Variants in RPS6KL1 observed in about 807,000 individuals in gnomAD.
RPS6KL1 encodes the protein ribosomal protein S6 kinase like 1, also known as ribosomal protein S6 kinase-like 1.
Under a neutral mutation model 57.0 loss-of-function variants are expected in RPS6KL1, and 41 were observed. The observed-to-expected ratio is 0.72, with a 90% confidence interval of 0.56 to 0.93. The LOEUF is 0.93. Ranked by LOEUF, RPS6KL1 falls within the 40% of genes least tolerant of loss-of-function variation. The probability of loss-of-function intolerance (pLI) is 0.00; values close to 1 mark genes in which losing one functional copy is unlikely to be tolerated. For missense variants in RPS6KL1, 697 were observed against 727.7 expected, an observed-to-expected ratio of 0.96 and a Z score of 0.49; for synonymous variants, 287 against 309.7, an observed-to-expected ratio of 0.93 and a Z score of 0.77.
At chr14:74,912,283 C>G (rs1886140044) in intron 5 of RPS6KL1, among the ~76,000 whole-genome samples, 3 of 152,218 alleles carry the variant, frequency 2.0e-5, no homozygotes, top group Admixed American at 2.0e-4. Context: ...GGCATGCGAG[C>G]AGAATGCCCT....
chr14:74,919,833 G>C lies in RPS6KL1; in HGVS notation c.390+12C>G, dbSNP rs1301876231. Reference sequence around the variant, plus strand: ...TCCCGCTCAGGCCTTTGGGTGGGGGGGGTCTCCTCACCGCGCTGGGGCTGG... The same window carrying C: ...TCCCGCTCAGGCCTTTGGGTGGGGGCGGTCTCCTCACCGCGCTGGGGCTGG... On this transcript the variant is annotated intron_variant, in intron 4 of 11. Coordinates refer to ENST00000557413, the MANE Select transcript of RPS6KL1 (RefSeq NM_031464.5). 5.0e-6 allele frequency: 8 copies of C among 1,611,150 alleles called. No homozygotes were observed. The African/African-American group carries it at 9.4e-5, about 19-fold the overall frequency.
rs928981958 is a variant in RPS6KL1, at chr14:74,906,326, C to G, written c.*688G>C. The G allele has an allele frequency of 5.7e-6, 2 of 348,242 alleles. No individual in the cohort carries two copies. The highest frequency in any genetic ancestry group is 1.1e-5 in the Non-Finnish European group (2 of 175,128). The allele number at this position is 348,242 out of a possible 1,614,324, so 21.6% of individuals were successfully genotyped here. A position where few individuals can be genotyped will look rare whatever the true frequency, so the allele number is the denominator to read the frequency against. ...CAGACCCATGCATTCCTTCCTCCCC[C>G]CATTACTCTTATTTTCTTCCCCTCC... On this transcript the variant is annotated 3_prime_UTR_variant, in exon 12 of 12. Coordinates refer to ENST00000557413, the MANE Select transcript of RPS6KL1 (RefSeq NM_031464.5).
intron 7 of RPS6KL1, chr14:74,910,671 A>G (rs1232457860): frequency 6.4e-6 from 1 of 156,864 alleles, no homozygotes; most frequent in Non-Finnish European, 1.4e-5. Context: ...GAAAAGAGCC[A>G]ACGCTGGAGG....
At chr14:74,915,039 A>G (rs998129060) in intron 5 of RPS6KL1, among the ~76,000 whole-genome samples, 1 of 152,204 alleles carries the variant, frequency 6.6e-6, no homozygotes, top group Non-Finnish European at 1.5e-5. Flanking sequence ...CCTCAGTTTA[A>G]TTCTCTGTAG....
chr14:74,918,201 C>T (rs1192640966), intron 5 of RPS6KL1, among the ~76,000 whole-genome samples: 2 of 152,102 alleles, frequency 1.3e-5, no homozygotes, highest in African/African-American at 2.4e-5. Context: ...CTTGCCTTGG[C>T]CTGGTGCTTG....
In RPS6KL1 at chr14:74,906,698, C is replaced by T. The variant is rs1480583506; in HGVS notation, c.*316G>A. The T allele has an allele frequency of 1.3e-5, 7 of 543,718 alleles. No individual in the cohort carries two copies. Among genetic ancestry groups the T allele is most frequent in the Admixed American group, 6.6e-5 (3 of 45,152 alleles). The allele number at this position is 543,718 out of a possible 1,614,324, so 33.7% of individuals were successfully genotyped here. On this transcript the variant is annotated 3_prime_UTR_variant, in exon 12 of 12. Transcript: ENST00000557413. ...GTGCAGCAGGTGGTCAACAGCTCAG[C>T]GCCAGTGCCACAGAAGGCAACCTTT...
In RPS6KL1 at chr14:74,921,483, G is replaced by C. The variant is rs1313116930; in HGVS notation, c.59C>G (p.Ser20Ter). 6.2e-7 allele frequency: 1 copy of C among 1,614,110 alleles called. No homozygotes were observed. The highest frequency in any genetic ancestry group is 8.5e-7 in the Non-Finnish European group (1 of 1,180,006). ...PSPGLEPEPC[S>*]RARSQAHVYL... is the part of the protein sequence containing the mutation. ...CACGTGAGCTTGGGACCGTGCTCGT[G>C]AGCAAGGCTCAGGCTCCAGGCCGGG... The change falls in exon 3 of 12, where the codon TCA becomes TGA. Residue 20 changes from serine to a stop codon, truncating the protein, a stop_gained. Coordinates refer to ENST00000557413, the MANE Select transcript of RPS6KL1 (RefSeq NM_031464.5). LOFTEE classifies it high-confidence loss of function.
chr14:74,916,818 C>T (rs1256503902), intron 5 of RPS6KL1, among the ~76,000 whole-genome samples: 1 of 152,232 alleles, frequency 6.6e-6, no homozygotes, highest in Non-Finnish European at 1.5e-5. Context: ...TACATCTGCA[C>T]CTAAACACTC....
Position 74,918,571 on chromosome 14 carries a change from G to T in RPS6KL1, c.425C>A (p.Thr142Lys). Reference sequence around the variant, plus strand: ...CAGCTGCTCCACGGCAGAGCTCAGCGTGCGAATGGGCCGGAGCCTCAGGCT... The same window carrying T: ...CAGCTGCTCCACGGCAGAGCTCAGCTTGCGAATGGGCCGGAGCCTCAGGCT... ...FSSLRLRPIR[T>K]LSSAVEQLRG... Residue 142 changes from threonine to lysine, a missense_variant, in exon 5 of 12, where the codon ACG becomes AAG. Transcript: ENST00000557413. 6.5e-7 allele frequency: 1 copy of T among 1,534,404 alleles called. No homozygotes were observed. Among genetic ancestry groups the T allele is most frequent in the East Asian group, 2.4e-5 (1 of 40,838 alleles).
chr14:74,906,492 C>T lies in RPS6KL1; in HGVS notation c.*522G>A. Reference sequence around the variant, plus strand: ...ATGGCATCCCTGCTTCTGGGCCTCCCCAGCTGCACGAACAGCTTCTGGTGG... The same window carrying T: ...ATGGCATCCCTGCTTCTGGGCCTCCTCAGCTGCACGAACAGCTTCTGGTGG... On this transcript the variant is annotated 3_prime_UTR_variant, in exon 12 of 12. Coordinates refer to ENST00000557413, the MANE Select transcript of RPS6KL1 (RefSeq NM_031464.5). 2 of 474,124 alleles carry T rather than the reference C, an allele frequency of 4.2e-6. No individual in the cohort carries two copies. The highest frequency in any genetic ancestry group is 4.4e-6 in the Non-Finnish European group (1 of 225,878). 29.4% of individuals were successfully genotyped at this position (474,124 alleles called of 1,614,324 possible).
intron 10 of RPS6KL1, 68 bp from the exon 11 acceptor site, chr14:74,907,598 AG>A (rs1885141487): frequency 6.9e-7 from 1 of 1,457,574 alleles, no homozygotes; most frequent in East Asian, 2.5e-5. Context: ...AGTGGCAGCC[AG>A]GATTTTTTTT....
Position 74,911,844 on chromosome 14 carries a change from G to A in RPS6KL1, c.484-3C>T, listed in dbSNP as rs1886056657. The A allele has an allele frequency of 6.4e-7, 1 of 1,552,440 alleles. No homozygotes were observed. Among genetic ancestry groups the A allele is most frequent in the African/African-American group, 1.4e-5 (1 of 73,192 alleles). ...GCCGGGTCCTGGACCAGCTGCACCT[G>A]CCAAAGTCCAAGAGGCACTGGTTAA... On this transcript the variant is annotated splice_polypyrimidine_tract_variant and splice_region_variant and intron_variant, in intron 5 of 11. Transcript: ENST00000557413.
chr14:74,910,077 G>T lies in RPS6KL1; in HGVS notation c.736C>A (p.Gln246Lys), dbSNP rs751821727. 4.4e-6 allele frequency: 7 copies of T among 1,605,838 alleles called. No individual in the cohort carries two copies. In the African/African-American group the frequency reaches 8.0e-5, roughly 18 times the overall value. Residue 246 changes from glutamine to lysine, a missense_variant, in exon 8 of 12, where the codon CAG becomes AAG. Transcript: ENST00000557413. Reference protein sequence around the residue: ...RHSGLSSGSTQERMKAQLNPH... With the variant: ...RHSGLSSGSTKERMKAQLNPH... ...TTGAGCTGAGCCTTCATCCTCTCCT[G>T]GGTAGAGCCAGAGCTGAGCCCAGAA... is the stretch of plus-strand genomic sequence containing the variant.
In RPS6KL1 at chr14:74,905,178, G is replaced by C. The variant is rs1408577241; in HGVS notation, c.*1836C>G. The C allele has an allele frequency of 6.6e-6, 1 of 152,158 alleles. No homozygotes were observed. Among genetic ancestry groups the C allele is most frequent in the Non-Finnish European group, 1.5e-5 (1 of 68,036 alleles). 9.4% of individuals were successfully genotyped at this position (152,158 alleles called of 1,614,324 possible). ...TATTCTAAACTCAGGGCCCAACAAA[G>C]TGTCAGATGTGTAGCTTTGGGTGGA... On this transcript the variant is annotated 3_prime_UTR_variant, in exon 12 of 12. Coordinates refer to ENST00000557413, the MANE Select transcript of RPS6KL1 (RefSeq NM_031464.5).
chr14:74,905,314 T>A lies in RPS6KL1; in HGVS notation c.*1700A>T, dbSNP rs1415798338. 1 of 152,210 alleles carries A rather than the reference T, an allele frequency of 6.6e-6. No homozygotes were observed. The highest frequency in any genetic ancestry group is 1.5e-5 in the Non-Finnish European group (1 of 68,050). 9.4% of individuals were successfully genotyped at this position (152,210 alleles called of 1,614,324 possible). ...AGGAACACTAACTTGCAACTCTGGC[T>A]AGGTTGTGTCCTTAACCTTTTTGAG... is the stretch of plus-strand genomic sequence containing the variant. On this transcript the variant is annotated 3_prime_UTR_variant, in exon 12 of 12. Transcript: ENST00000557413.
Position 74,922,316 on chromosome 14 carries a change from C to T in RPS6KL1, c.-359G>A. ...CACCCTGCCTGTTGTCTCCTCCCTG[C>T]TCCTCCTGTGGGAATCTCATTTACC... is the stretch of plus-strand genomic sequence containing the variant. On this transcript the variant is annotated 5_prime_UTR_variant, in exon 2 of 12. Coordinates refer to ENST00000557413, the MANE Select transcript of RPS6KL1 (RefSeq NM_031464.5). The T allele has an allele frequency of 6.1e-6, 6 of 986,352 alleles. No individual in the cohort carries two copies. The highest frequency in any genetic ancestry group is 7.2e-6 in the Non-Finnish European group (6 of 830,560). The allele number at this position is 986,352 out of a possible 1,614,324, so 61.1% of individuals were successfully genotyped here. A position where few individuals can be genotyped will look rare whatever the true frequency, so the allele number is the denominator to read the frequency against.
Position 74,922,181 on chromosome 14 carries a change from A to T in RPS6KL1, c.-224T>A, listed in dbSNP as rs1030446842. Reference sequence around the variant, plus strand: ...AGAGAGCTGAGGATATCTGTGATCCACAGCCACCTTCACAGGGCCTCCGTA... The same window carrying T: ...AGAGAGCTGAGGATATCTGTGATCCTCAGCCACCTTCACAGGGCCTCCGTA... On this transcript the variant is annotated 5_prime_UTR_variant, in exon 2 of 12. Coordinates refer to ENST00000557413, the MANE Select transcript of RPS6KL1 (RefSeq NM_031464.5). 4.1e-6 allele frequency: 4 copies of T among 986,874 alleles called. No individual in the cohort carries two copies. The African/African-American group carries it at 7.0e-5, about 17-fold the overall frequency. 61.1% of individuals were successfully genotyped at this position (986,874 alleles called of 1,614,324 possible).
In RPS6KL1 at chr14:74,906,030, A is replaced by C. The variant is rs184136115; in HGVS notation, c.*984T>G. ...CCCCAGCTTTTCAGAGACCAGAGGC[A>C]AGACATTTCTGGCTAAGAGCCATGG... On this transcript the variant is annotated 3_prime_UTR_variant, in exon 12 of 12. Coordinates refer to ENST00000557413, the MANE Select transcript of RPS6KL1 (RefSeq NM_031464.5). 9.5e-4 allele frequency: 153 copies of C among 161,202 alleles called. No individual in the cohort carries two copies. Among genetic ancestry groups the C allele is most frequent in the Middle Eastern group, 6.4e-3 (2 of 314 alleles). 10.0% of individuals were successfully genotyped at this position (161,202 alleles called of 1,614,324 possible).
chr14:74,922,230 C>T lies in RPS6KL1; in HGVS notation c.-273G>A, dbSNP rs1887970669. 3.0e-6 allele frequency: 3 copies of T among 986,316 alleles called. No individual in the cohort carries two copies. Among genetic ancestry groups the T allele is most frequent in the Non-Finnish European group, 2.4e-6 (2 of 830,620 alleles). The allele number at this position is 986,316 out of a possible 1,614,324, so 61.1% of individuals were successfully genotyped here. On this transcript the variant is annotated 5_prime_UTR_variant, in exon 2 of 12. It removes an upstream start codon present in the reference 5' UTR. Transcript: ENST00000557413. Reference sequence around the variant, plus strand: ...TAGAGCAAGCTTGGTATCCAGTACGCATTCAGCACATGGAGGCCACACACG... The same window carrying T: ...TAGAGCAAGCTTGGTATCCAGTACGTATTCAGCACATGGAGGCCACACACG...
Sources: allele counts gnomAD v4.1 joint callset (sites outside exome capture counted in the v4.1 genomes callset), GRCh38; gene constraint gnomAD v4.1.1; transcripts MANE v1.5; gene names NCBI Gene and HGNC (gene_info 2026-07-23, HGNC 2026-07-21).